RGP1: variants seen among roughly 807,000 people sequenced by gnomAD.
RGP1 encodes the protein RGP1 partner of RAB6A GEF complex, also known as RAB6A-GEF complex partner protein 2.
Under a neutral mutation model 44.5 loss-of-function variants are expected in RGP1, and 28 were observed. The ratio of observed to expected loss-of-function variants is 0.63; its 90% CI spans 0.47 to 0.86. The LOEUF (loss-of-function observed/expected upper bound fraction) is 0.86, where lower values mean the gene tolerates loss of function less well. Among genes scored for constraint, RGP1 ranks in the 40% least tolerant of loss-of-function variants. RGP1 has a pLI of 0.00. For synonymous variants in RGP1, 212 were observed against 196.7 expected (o/e 1.08, Z -0.65); for missense variants, 417 against 490.7 (o/e 0.85, Z 1.42).
At chr9:35,778,133 C>T in the RGP1 span, among the ~76,000 whole-genome samples, 412 of 152,060 alleles carry the variant, frequency 2.7e-3, 1 homozygote, top group Non-Finnish European at 4.5e-3. Context: ...AACCCCGTCT[C>T]TACTAAAAAT....
Position 35,752,998 on chromosome 9 carries a change from A to G in RGP1, c.*124A>G, listed in dbSNP as rs765263378. 47 of 1,537,248 alleles carry G rather than the reference A, an allele frequency of 3.1e-5. No individual in the cohort carries two copies. The highest frequency in any genetic ancestry group is 4.2e-5 in the Non-Finnish European group (47 of 1,127,712). On this transcript the variant is annotated 3_prime_UTR_variant, in exon 9 of 9. Transcript: ENST00000378078. ...GACAGTGAGAGTCGGGCTTTCAGCT[A>G]TAGCATTAATTTATTTGTTCAGAAT... is the stretch of plus-strand genomic sequence containing the variant.
At chr9:35,779,972 A>C in the RGP1 span, among the ~76,000 whole-genome samples, 1 of 152,210 alleles carries the variant, frequency 6.6e-6, no homozygotes, top group Non-Finnish European at 1.5e-5. Flanking sequence ...TCCTGGGCTC[A>C]AGTGATCCTC....
chr9:35,765,993 C>G, the RGP1 span, among the ~76,000 whole-genome samples: 1 of 151,686 alleles, frequency 6.6e-6, no homozygotes, highest in East Asian at 2.0e-4. Flanking sequence ...CGTCCCCATA[C>G]CTGGCTAATT....
At chr9:35,776,033 C>T in the RGP1 span, among the ~76,000 whole-genome samples, 16,752 of 152,160 alleles carry the variant, frequency 0.11, 1,143 homozygotes, top group African/African-American at 0.19. Context: ...AACAGTAATG[C>T]TCTTTTCTTG....
At position 35,753,845 on chromosome 9, in the gene RGP1, A is replaced by T. The variant is rs1827315708; in HGVS notation, c.*971A>T. On this transcript the variant is annotated 3_prime_UTR_variant, in exon 9 of 9. Coordinates refer to ENST00000378078, the MANE Select transcript of RGP1 (RefSeq NM_001080496.3). This position sits in a 1 kb window ranked among gnomAD's most constrained non-coding sequence, Gnocchi z 4.2. ...GAGGCTCTTCTGGTCTGGGGTGGAG[A>T]CAGTAAGTACGCACTATCCCCGTAT... The T allele has an allele frequency of 1.3e-6, 2 of 1,530,546 alleles. No individual in the cohort carries two copies. The highest frequency in any genetic ancestry group is 1.8e-6 in the Non-Finnish European group (2 of 1,111,724). 94.8% of individuals were successfully genotyped at this position (1,530,546 alleles called of 1,614,324 possible). A position where few individuals can be genotyped will look rare whatever the true frequency, so the allele number is the denominator to read the frequency against.
In RGP1 at chr9:35,751,000, G is replaced by C. The variant is rs768778289; in HGVS notation, c.487+11G>C. The C allele has an allele frequency of 6.2e-7, 1 of 1,612,938 alleles. No individual in the cohort carries two copies. ...TTCTTGTGCTGACTGGTAAGCAAGG[G>C]CTCCTGGAGGGAAGGGCTGGGGAAG... On this transcript the variant is annotated intron_variant, in intron 5 of 8. Coordinates refer to ENST00000378078, the MANE Select transcript of RGP1 (RefSeq NM_001080496.3).
At chr9:35,761,672 TCAAACAAA>T (rs536830381), downstream of RGP1, among the ~76,000 whole-genome samples, 6 of 151,774 alleles carry the variant, frequency 4.0e-5, no homozygotes, top group African/African-American at 1.5e-4. Context: ...AGACCCTGTC[TCAAACAAA>T]CAAACAAACA....
chr9:35,769,670 C>T, the RGP1 span, among the ~76,000 whole-genome samples: 9 of 152,020 alleles, frequency 5.9e-5, no homozygotes, highest in South Asian at 2.1e-4. Flanking sequence ...GAAGGAACAA[C>T]GTGCAAAGAT....
At chr9:35,751,151 C>T (rs767682860) in intron 5 of RGP1, 115 bp from the exon 6 acceptor site, 59 of 1,467,532 alleles carry the variant, frequency 4.0e-5, no homozygotes, top group Non-Finnish European at 4.9e-5. Flanking sequence ...GAGATGTAAA[C>T]CTCAGCCCTG....
chr9:35,782,505 G>C, the RGP1 span, among the ~76,000 whole-genome samples: 14 of 152,336 alleles, frequency 9.2e-5, 1 homozygote, highest in South Asian at 8.3e-4. Flanking sequence ...GGAGTGCAGT[G>C]GCACGACCTC....
rs2132032593 is a variant in RGP1 at position 35,750,877 on chromosome 9, C to T, written c.375C>T (p.Pro125=). 6.2e-7 allele frequency: 1 copy of T among 1,614,052 alleles called. No homozygotes were observed. Among genetic ancestry groups the T allele is most frequent in the Non-Finnish European group, 8.5e-7 (1 of 1,179,894 alleles). ...YSEVLPIEGP[P]SFRGQSVKYV... ...AAGTGCTGCCCATAGAGGGACCACC[C>T]TCCTTTCGGGGTCAGTCAGTCAAGT... The change falls in exon 5 of 9, where the codon CCC becomes CCT. Residue 125 remains proline (P), a synonymous_variant. Transcript: ENST00000378078.
chr9:35,754,948 A>T lies in RGP1; in HGVS notation c.*2074A>T, dbSNP rs565745233. The stretch of plus-strand genomic sequence containing the variant: ...CCCCTTTCAAAGAGGAGCATCTCTA[A>T]GTGCCCTGATGGGATGAATCACTCC... On this transcript the variant is annotated 3_prime_UTR_variant, in exon 9 of 9. Coordinates refer to ENST00000378078, the MANE Select transcript of RGP1 (RefSeq NM_001080496.3). 2.0e-5 allele frequency: 3 copies of T among 152,328 alleles called. No homozygotes were observed. The South Asian group carries it at 6.2e-4, about 32-fold the overall frequency. 9.4% of individuals were successfully genotyped at this position (152,328 alleles called of 1,614,324 possible).
At chr9:35,776,391 A>G in the RGP1 span, among the ~76,000 whole-genome samples, 1 of 151,044 alleles carries the variant, frequency 6.6e-6, no homozygotes, top group Admixed American at 6.6e-5. Context: ...GGTTCAATCA[A>G]TTCTCCTGCC....
chr9:35,771,845 T>C, the RGP1 span, among the ~76,000 whole-genome samples: 1 of 152,262 alleles, frequency 6.6e-6, no homozygotes, highest in Non-Finnish European at 1.5e-5. Context: ...TGCCAATTAT[T>C]GCATTTACAT....
At chr9:35,750,143 C>G (rs1827213444) in intron 2 of RGP1, 100 bp from the exon 3 acceptor site, 1 of 1,467,850 alleles carries the variant, frequency 6.8e-7, no homozygotes, top group Admixed American at 2.4e-5. Flanking sequence ...ACTAGGACAG[C>G]CATCTAACCT....
Position 35,754,656 on chromosome 9 carries a change from C to T in RGP1, c.*1782C>T, listed in dbSNP as rs773018395. On this transcript the variant is annotated 3_prime_UTR_variant, in exon 9 of 9. Transcript: ENST00000378078. ...GAGGCATTTCCTGGGGATGGTTAAT[C>T]CTGTGCCCCAGCCAAACCCAGGAGC... is the stretch of plus-strand genomic sequence containing the variant. 6.6e-6 allele frequency: 1 copy of T among 152,530 alleles called. No homozygotes were observed. Among genetic ancestry groups the T allele is most frequent in the Admixed American group, 6.5e-5 (1 of 15,294 alleles). 9.4% of individuals were successfully genotyped at this position (152,530 alleles called of 1,614,324 possible). A position where few individuals can be genotyped will look rare whatever the true frequency, so the allele number is the denominator to read the frequency against.
chr9:35,785,626 G>A, the RGP1 span, among the ~76,000 whole-genome samples: 1 of 152,128 alleles, frequency 6.6e-6, no homozygotes, highest in Non-Finnish European at 1.5e-5. Context: ...AGGGAAGTGA[G>A]ACTGGAGAGA....
the RGP1 span, among the ~76,000 whole-genome samples, chr9:35,773,663 G>T: frequency 1.3e-5 from 2 of 151,874 alleles, no homozygotes; most frequent in Non-Finnish European, 2.9e-5. Flanking sequence ...CACTAGGCCT[G>T]GCTAATTTTT....
downstream of RGP1, among the ~76,000 whole-genome samples, chr9:35,763,196 T>C (rs1827434598): frequency 6.6e-6 from 1 of 152,258 alleles, no homozygotes; most frequent in Non-Finnish European, 1.5e-5. Context: ...TGCCATTTTA[T>C]TCTTCTTGGA....
Sources: gnomAD v4.1 joint callset for allele counts (sites outside exome capture counted in the v4.1 genomes callset) on GRCh38, gnomAD v4.1.1 for gene constraint, Gnocchi (gnomAD v3.1) non-coding constraint, MANE v1.5 for transcripts, NCBI Gene and HGNC (gene_info 2026-07-23, HGNC 2026-07-21) for gene names.